LRP1B: variants seen among roughly 807,000 people sequenced by gnomAD.
LRP1B encodes low-density lipoprotein receptor-related protein 1B.
Under a neutral mutation model 556.6 loss-of-function variants are expected in LRP1B, and 217 were observed. The ratio of observed to expected loss-of-function variants is 0.39; its 90% CI spans 0.35 to 0.44. The LOEUF (loss-of-function observed/expected upper bound fraction) is 0.44. Among genes scored for constraint, LRP1B ranks in the 20% least tolerant of loss-of-function variants. The pLI, the probability that LRP1B is intolerant of heterozygous loss-of-function variation, is 1.00. For synonymous variants in LRP1B, 2,047 were observed against 1,865.8 expected (o/e 1.10, Z -2.50); for missense variants, 5,053 against 5,620.8 (o/e 0.90, Z 3.23).
chr2:141,425,117 T>G (rs2104972241), intron 3 of LRP1B, among the ~76,000 whole-genome samples: 1 of 150,760 alleles, frequency 6.6e-6, no homozygotes, highest in South Asian at 2.1e-4. Flanking sequence ...CCCCTTCCTG[T>G]GTCCATGTGT....
At chr2:140,886,377 A>C (rs771760670) in intron 23 of LRP1B, 42 bp from the exon 24 acceptor site, 1 of 1,068,656 alleles carries the variant, frequency 9.4e-7, no homozygotes, top group Admixed American at 2.4e-5. Flanking sequence ...GAAAATGTAA[A>C]CTCTGGTAAT....
At chr2:141,845,275 A>T (rs1399967276) in intron 1 of LRP1B, among the ~76,000 whole-genome samples, 1 of 152,014 alleles carries the variant, frequency 6.6e-6, no homozygotes, top group East Asian at 1.9e-4. Context: ...TAAACCAGTT[A>T]TATTAGTTTA....
At chr2:141,526,433 G>A (rs1684695541) in intron 2 of LRP1B, among the ~76,000 whole-genome samples, 1 of 152,040 alleles carries the variant, frequency 6.6e-6, no homozygotes, top group Non-Finnish European at 1.5e-5. Context: ...ACCGATAAAT[G>A]TTGATTGTCA....
At chr2:141,420,574 G>T (rs942970120) in intron 3 of LRP1B, among the ~76,000 whole-genome samples, 1 of 152,142 alleles carries the variant, frequency 6.6e-6, no homozygotes, top group African/African-American at 2.4e-5. Flanking sequence ...GTTCTTGTCA[G>T]CCGTGAAACA....
chr2:140,565,597 C>T (rs1681096317), intron 43 of LRP1B, among the ~76,000 whole-genome samples: 1 of 152,096 alleles, frequency 6.6e-6, no homozygotes, highest in Admixed American at 6.6e-5. Flanking sequence ...GGGATTCTGA[C>T]ATTAGCAAGA....
chr2:141,247,006 AT>A (rs1684091873), intron 5 of LRP1B, among the ~76,000 whole-genome samples: 1 of 151,966 alleles, frequency 6.6e-6, no homozygotes, highest in South Asian at 2.1e-4. Flanking sequence ...GAAGGAAGGA[AT>A]TTCATTTTTG....
At chr2:141,064,365 A>T (rs1699423172) in intron 7 of LRP1B, among the ~76,000 whole-genome samples, 1 of 151,946 alleles carries the variant, frequency 6.6e-6, no homozygotes, top group Non-Finnish European at 1.5e-5. Flanking sequence ...TGAAGGTTTC[A>T]GAAAATTTAA....
At chr2:140,986,471 T>C (rs1696929729) in intron 17 of LRP1B, among the ~76,000 whole-genome samples, 1 of 152,088 alleles carries the variant, frequency 6.6e-6, no homozygotes, top group African/African-American at 2.4e-5. Context: ...CCAGCAAGAG[T>C]GTATGACAAT....
chr2:140,686,645 T>C (rs1402971070), intron 41 of LRP1B, among the ~76,000 whole-genome samples: 1 of 152,162 alleles, frequency 6.6e-6, no homozygotes, highest in Admixed American at 6.5e-5. Context: ...GGCATTTACA[T>C]ACAACAGGAA....
At chr2:141,225,189 C>T (rs1338372719) in intron 6 of LRP1B, among the ~76,000 whole-genome samples, 1 of 152,064 alleles carries the variant, frequency 6.6e-6, no homozygotes, top group Admixed American at 6.6e-5. Flanking sequence ...GCTAGGTATA[C>T]TCTACTGGAT....
chr2:140,685,909 G>T (rs1686032332), intron 41 of LRP1B, among the ~76,000 whole-genome samples: 1 of 152,108 alleles, frequency 6.6e-6, no homozygotes, highest in South Asian at 2.1e-4. Flanking sequence ...AGCAAATAAG[G>T]AAGTGATAAA....
intron 3 of LRP1B, among the ~76,000 whole-genome samples, chr2:141,300,868 T>C (rs1686365804): frequency 6.6e-6 from 1 of 152,146 alleles, no homozygotes; most frequent in African/African-American, 2.4e-5. Flanking sequence ...TTTATAGCAG[T>C]GTTGTTTCTT....
chr2:141,474,440 G>A (rs62166302), intron 3 of LRP1B, among the ~76,000 whole-genome samples: 68,942 of 151,740 alleles, frequency 0.45, 15,865 homozygotes, highest in Non-Finnish European at 0.49. Context: ...TAAGAGTTTC[G>A]TTTTATGGAT....
In LRP1B at chr2:141,053,591, T is replaced by G. The variant is rs143718612; in HGVS notation, c.1552+1525A>C. Among the ~76,000 whole-genome samples, 516 of 152,064 alleles carry G rather than the reference T, an allele frequency of 3.4e-3. 2 individuals are homozygous for G. The highest frequency in any genetic ancestry group is 0.012 in the African/African-American group (494 of 41,518). ...GCCAGGTTGGTTTAATGGTGTTTGG[T>G]GGAATGTTCCAAAGACCCAGTCTAG... On this transcript the variant is annotated intron_variant, in intron 10 of 90. Transcript: ENST00000389484.
At chr2:141,800,272 T>C (rs1266746563) in intron 2 of LRP1B, among the ~76,000 whole-genome samples, 1 of 152,214 alleles carries the variant, frequency 6.6e-6, no homozygotes, top group African/African-American at 2.4e-5. Context: ...AGCATCAAGA[T>C]GTTGACCTTG....
intron 31 of LRP1B, among the ~76,000 whole-genome samples, chr2:140,824,789 T>C (rs1691447982): frequency 6.6e-6 from 1 of 152,150 alleles, no homozygotes; most frequent in Non-Finnish European, 1.5e-5. Context: ...AAATATTCTT[T>C]CTAAATATCA....
intron 35 of LRP1B, among the ~76,000 whole-genome samples, chr2:140,725,917 C>T (rs1687578409): frequency 6.6e-6 from 1 of 152,046 alleles, no homozygotes. Flanking sequence ...AACCAGTTTG[C>T]ATTTGCGTAG....
chr2:140,785,832 T>C (rs1380507139), intron 32 of LRP1B, among the ~76,000 whole-genome samples: 1 of 152,126 alleles, frequency 6.6e-6, no homozygotes, highest in Non-Finnish European at 1.5e-5. Flanking sequence ...CAGCAAATGG[T>C]ACCCACTCAG....
intron 41 of LRP1B, among the ~76,000 whole-genome samples, chr2:140,602,014 G>C (rs1234476635): frequency 6.6e-6 from 1 of 152,030 alleles, no homozygotes; most frequent in Non-Finnish European, 1.5e-5. Context: ...ATACGACTTA[G>C]ATACAATCAT....
Sources: gnomAD v4.1 joint callset for allele counts (sites outside exome capture counted in the v4.1 genomes callset) on GRCh38, gnomAD v4.1.1 for gene constraint, MANE v1.5 for transcripts, NCBI Gene and HGNC (gene_info 2026-07-23, HGNC 2026-07-21) for gene names.